Variants in TMEM178B observed in about 807,000 individuals in gnomAD.
The protein encoded by TMEM178B is transmembrane protein 178B.
A neutral mutation model predicts 31.0 loss-of-function variants in TMEM178B; 5 were observed. That is an observed-to-expected ratio of 0.16 (90% CI 0.08 to 0.34). The LOEUF is 0.34. TMEM178B is among the 10% of genes least tolerant of loss of function. TMEM178B has a pLI of 1.00. For synonymous variants in TMEM178B, 164 were observed against 164.0 expected, an observed-to-expected ratio of 1.00 and a Z score of 0.00; for missense variants, 275 against 400.3, an observed-to-expected ratio of 0.69 and a Z score of 2.67.
At chr7:141,405,119 T>A (rs1244165810) in intron 2 of TMEM178B, among the ~76,000 whole-genome samples, 1 of 152,266 alleles carries the variant, frequency 6.6e-6, no homozygotes, top group Non-Finnish European at 1.5e-5. Flanking sequence ...CCTGTATCTG[T>A]GACCCTCCCC....
intron 2 of TMEM178B, among the ~76,000 whole-genome samples, chr7:141,229,534 T>C (rs1212379202): frequency 6.6e-6 from 1 of 152,134 alleles, no homozygotes; most frequent in East Asian, 1.9e-4. Context: ...TTATTTCTCC[T>C]GATCATTAAG....
At chr7:141,421,860 A>G (rs547192183) in intron 2 of TMEM178B, among the ~76,000 whole-genome samples, 1 of 151,472 alleles carries the variant, frequency 6.6e-6, no homozygotes, top group South Asian at 2.1e-4. Context: ...TCTCACTACA[A>G]CCTTTTAAGC....
intron 2 of TMEM178B, among the ~76,000 whole-genome samples, chr7:141,238,824 A>G (rs1258135811): frequency 2.0e-5 from 3 of 152,210 alleles, no homozygotes; most frequent in Non-Finnish European, 4.4e-5. Flanking sequence ...TTAGGGGTGC[A>G]GTCTGTAGTC....
At chr7:141,356,339 T>A (rs1449031515) in intron 2 of TMEM178B, among the ~76,000 whole-genome samples, 1 of 152,182 alleles carries the variant, frequency 6.6e-6, no homozygotes, top group Middle Eastern at 3.4e-3. Flanking sequence ...CCACAAATAG[T>A]GTATAAGCTT....
At chr7:141,160,227 C>G (rs912747106) in intron 1 of TMEM178B, among the ~76,000 whole-genome samples, 2 of 151,996 alleles carry the variant, frequency 1.3e-5, no homozygotes, top group African/African-American at 4.8e-5. Context: ...TTCCCTGAGT[C>G]CTCAAAGGCC....
chr7:141,224,800 C>G (rs113380858), intron 2 of TMEM178B, among the ~76,000 whole-genome samples: 75 of 152,278 alleles, frequency 4.9e-4, no homozygotes, highest in African/African-American at 1.6e-3. Flanking sequence ...TGCGATGACA[C>G]CCCTTGGAGA....
intron 1 of TMEM178B, among the ~76,000 whole-genome samples, chr7:141,081,334 G>A (rs1256195583): frequency 6.6e-6 from 1 of 152,042 alleles, no homozygotes; most frequent in Non-Finnish European, 1.5e-5. Flanking sequence ...AAGCTTATAG[G>A]ATAAGGATAT....
At chr7:141,211,717 G>T (rs1232284200) in intron 1 of TMEM178B, among the ~76,000 whole-genome samples, 1 of 152,154 alleles carries the variant, frequency 6.6e-6, no homozygotes, top group Non-Finnish European at 1.5e-5. Flanking sequence ...CATAAAGGGT[G>T]GATTTATGCA....
chr7:141,324,669 T>G (rs1170353863), intron 2 of TMEM178B, among the ~76,000 whole-genome samples: 1 of 151,924 alleles, frequency 6.6e-6, no homozygotes, highest in Non-Finnish European at 1.5e-5. Flanking sequence ...AACTGTTAGA[T>G]TTTAGGGGAT....
chr7:141,271,779 T>G (rs1347517416), intron 2 of TMEM178B, among the ~76,000 whole-genome samples: 1 of 152,224 alleles, frequency 6.6e-6, no homozygotes, highest in African/African-American at 2.4e-5. Flanking sequence ...GCCTAGTGCT[T>G]CACTTGTATC....
chr7:141,234,826 A>G (rs976297829), intron 2 of TMEM178B, among the ~76,000 whole-genome samples: 5 of 152,252 alleles, frequency 3.3e-5, no homozygotes, highest in South Asian at 4.1e-4. Context: ...TGTGCCGTCT[A>G]TGCAGACGTG....
chr7:141,298,310 C>T (rs1374922157), intron 2 of TMEM178B, among the ~76,000 whole-genome samples: 2 of 152,126 alleles, frequency 1.3e-5, no homozygotes, highest in African/African-American at 2.4e-5. Context: ...TGTAGGTTGC[C>T]TGTTCACTCT....
chr7:141,447,900 C>A (rs760085595), intron 3 of TMEM178B, among the ~76,000 whole-genome samples: 1 of 152,052 alleles, frequency 6.6e-6, no homozygotes, highest in Non-Finnish European at 1.5e-5. Context: ...AGCAAGTGGG[C>A]GACTGCATAG....
At chr7:141,437,767 G>T in intron 3 of TMEM178B, 22 bp downstream of exon 3, 1 of 1,535,990 alleles carries the variant, frequency 6.5e-7, no homozygotes, top group Non-Finnish European at 8.7e-7. Context: ...GGCTCGGCTT[G>T]TGGGTGGCAG....
chr7:141,234,010 T>A (rs1797488709), intron 2 of TMEM178B, among the ~76,000 whole-genome samples: 1 of 152,204 alleles, frequency 6.6e-6, no homozygotes. Flanking sequence ...CATGGGGAGT[T>A]GGTCCCCCTA....
At chr7:141,091,519 A>G (rs753951540) in intron 1 of TMEM178B, among the ~76,000 whole-genome samples, 2 of 152,020 alleles carry the variant, frequency 1.3e-5, no homozygotes, top group Non-Finnish European at 2.9e-5. Flanking sequence ...ACATATCTTT[A>G]GTGGTGTGGT....
intron 2 of TMEM178B, among the ~76,000 whole-genome samples, chr7:141,413,091 C>T (rs371081951): frequency 3.7e-4 from 56 of 152,226 alleles, no homozygotes; most frequent in African/African-American, 1.2e-3. Flanking sequence ...AGCGTTGGTC[C>T]GCCAACCATG....
chr7:141,335,906 G>A (rs1459477401), intron 2 of TMEM178B, among the ~76,000 whole-genome samples: 2 of 152,096 alleles, frequency 1.3e-5, no homozygotes, highest in African/African-American at 2.4e-5. Flanking sequence ...AAAGGAAGCC[G>A]GGCTCTATGC....
intron 2 of TMEM178B, among the ~76,000 whole-genome samples, chr7:141,409,981 C>T (rs1293098743): frequency 2.0e-5 from 3 of 152,214 alleles, no homozygotes; most frequent in African/African-American, 7.2e-5. Context: ...GGAGCCATCT[C>T]TTTGTCTTTG....
Sources: gnomAD v4.1 joint callset for allele counts (sites outside exome capture counted in the v4.1 genomes callset) on GRCh38, gnomAD v4.1.1 for gene constraint, MANE v1.5 for transcripts, NCBI Gene and HGNC (gene_info 2026-07-23, HGNC 2026-07-21) for gene names.